GTPBP4: variants seen among roughly 807,000 people sequenced by gnomAD.
GTPBP4 encodes GTP-binding protein 4.
In GTPBP4, 15 loss-of-function variants were observed where a neutral mutation model predicts 81.7. The observed-to-expected ratio is 0.18, with a 90% confidence interval of 0.12 to 0.28. GTPBP4 has a LOEUF of 0.28. Among genes scored for constraint, GTPBP4 ranks in the 10% least tolerant of loss-of-function variants. The probability of loss-of-function intolerance (pLI) is 1.00; values close to 1 mark genes in which losing one functional copy is unlikely to be tolerated. For missense variants in GTPBP4, 847 were observed against 793.8 expected (o/e 1.07, Z -0.81); for synonymous variants, 272 against 274.6 (o/e 0.99, Z 0.09).
At chr10:1,000,298 C>G (rs1379783842) in intron 6 of GTPBP4, among the ~76,000 whole-genome samples, 2 of 129,154 alleles carry the variant, frequency 1.5e-5, no homozygotes, top group Non-Finnish European at 3.1e-5. Flanking sequence ...AGTGCAGTGT[C>G]GCTATCTTGG....
At chr10:1,003,637 T>C (rs2132164434) in intron 8 of GTPBP4, among the ~76,000 whole-genome samples, 1 of 152,314 alleles carries the variant, frequency 6.6e-6, no homozygotes, top group Admixed American at 6.5e-5. Context: ...GTGACATTGT[T>C]TCTGTGCAGC....
At chr10:992,426 C>T in intron 1 of GTPBP4, 63 bp from the exon 2 acceptor site, 1 of 926,744 alleles carries the variant, frequency 1.1e-6, no homozygotes, top group Non-Finnish European at 1.7e-6. Context: ...AGGAAGGTTT[C>T]AAATAAATGG....
Position 1,007,022 on chromosome 10 carries a change from G to C in GTPBP4, c.1007G>C (p.Cys336Ser). 1 of 1,602,448 alleles carries C rather than the reference G, an allele frequency of 6.2e-7. No homozygotes were observed. The highest frequency in any genetic ancestry group is 8.6e-7 in the Non-Finnish European group (1 of 1,169,356). Residue 336 changes from cysteine to serine, a missense_variant, in exon 10 of 17, where the codon TGC becomes TCC. Cys to Ser is a moderately radical substitution (Grantham distance 112). Transcript: ENST00000360803. ...CCTTCTTTTTTACGTTATTAGGCTT[G>C]CGATAGGCTTTTGGCTCATCGAGTG... ...EGVIKVKTEA[C>S]DRLLAHRVET...
Position 1,017,187 on chromosome 10 carries a change from T to C in GTPBP4, c.1865T>C (p.Leu622Pro). The C allele has an allele frequency of 6.2e-7, 1 of 1,614,180 alleles. No individual in the cohort carries two copies. The highest frequency in any genetic ancestry group is 1.1e-5 in the South Asian group (1 of 91,088). Reference protein sequence around the residue: ...HVFDMKPKHLLSGKRKAGKKD... With the variant: ...HVFDMKPKHLPSGKRKAGKKD... ...TTTGATATGAAGCCCAAGCACTTGC[T>C]GTCTGGGAAGAGGAAAGCTGGTAAA... Residue 622 changes from leucine (L) to proline (P), a missense_variant, in exon 17 of 17, where the codon CTG (leucine) becomes CCG (proline). Leu to Pro is a moderately conservative substitution (Grantham distance 98, BLOSUM62 -3). Around this residue, in one of 3 missense-constraint regions of GTPBP4, gnomAD observed 600 missense variants for 557.1 expected, o/e 1.08. Transcript: ENST00000360803.
chr10:1,004,058 G>A (rs892240938), intron 8 of GTPBP4, among the ~76,000 whole-genome samples: 1 of 152,188 alleles, frequency 6.6e-6, no homozygotes, highest in Non-Finnish European at 1.5e-5. Flanking sequence ...TCAGGGCACA[G>A]TCCTGGCCTG....
At chr10:1,015,395 T>G (rs61833307) in intron 15 of GTPBP4, among the ~76,000 whole-genome samples, 1 of 35,306 alleles carries the variant, frequency 2.8e-5, no homozygotes, top group Admixed American at 3.6e-4. Flanking sequence ...AGCCTGGGAG[T>G]GGACCTGGGG....
intron 10 of GTPBP4, chr10:1,007,851 C>A (rs530015374): frequency 5.9e-6 from 3 of 510,654 alleles, no homozygotes. Context: ...ATGCTGGGTG[C>A]GGTTGAGCAT....
At chr10:990,017 A>G (rs1299999354) in intron 1 of GTPBP4, among the ~76,000 whole-genome samples, 1 of 152,192 alleles carries the variant, frequency 6.6e-6, no homozygotes, top group African/African-American at 2.4e-5. Flanking sequence ...GATTACAGGC[A>G]TGAGCTACTG....
intron 8 of GTPBP4, among the ~76,000 whole-genome samples, chr10:1,002,169 C>T (rs1156939109): frequency 6.6e-6 from 1 of 152,148 alleles, no homozygotes; most frequent in East Asian, 1.9e-4. Flanking sequence ...GTGATCCGCC[C>T]ACCTTGGCCT....
At chr10:988,807 G>A in intron 1 of GTPBP4, 1 of 387,234 alleles carries the variant, frequency 2.6e-6, no homozygotes, top group Non-Finnish European at 4.7e-6. Context: ...ACCCAGAGTT[G>A]GGTTCCCTGG....
intron 5 of GTPBP4, among the ~76,000 whole-genome samples, chr10:998,127 T>C (rs1268268668): frequency 2.0e-5 from 3 of 152,304 alleles, no homozygotes; most frequent in African/African-American, 7.2e-5. Context: ...TGAGACAGGG[T>C]CTCGCTCTGT....
At chr10:1,008,046 AT>A (rs749520722) in intron 10 of GTPBP4, 5 of 465,660 alleles carry the variant, frequency 1.1e-5, no homozygotes, top group Non-Finnish European at 1.7e-5. Flanking sequence ...ACATATATTA[AT>A]TTTTTTTTCT....
Position 1,017,131 on chromosome 10 carries a change from G to A in GTPBP4, c.1809G>A (p.Leu603=). The part of the protein sequence containing the change: ...MKNAQKKMNR[L]GKKGEADRHV... ...ATGCTCAGAAGAAGATGAATCGGTTGGGGAAGAAAGGGGAGGCGGATAGAC... is the reference window on the plus strand; with the variant it reads ...ATGCTCAGAAGAAGATGAATCGGTTAGGGAAGAAAGGGGAGGCGGATAGAC... Residue 603 remains leucine (L), a synonymous_variant, in exon 17 of 17, where the codon TTG becomes TTA. Coordinates refer to ENST00000360803, the MANE Select transcript of GTPBP4 (RefSeq NM_012341.3). 6.2e-7 allele frequency: 1 copy of A among 1,613,598 alleles called. No homozygotes were observed. The highest frequency in any genetic ancestry group is 1.1e-5 in the South Asian group (1 of 91,060).
chr10:1,010,578 G>A lies in GTPBP4; in HGVS notation c.1344+58G>A. 2 of 938,616 alleles carry A rather than the reference G, an allele frequency of 2.1e-6. 1 individual carries two copies. Among genetic ancestry groups the A allele is most frequent in the Middle Eastern group, 4.2e-4 (2 of 4,742 alleles). 58.1% of individuals were successfully genotyped at this position (938,616 alleles called of 1,614,324 possible). On this transcript the variant is annotated intron_variant, in intron 13 of 16. Transcript: ENST00000360803. ...TCCTTTTTATTATAGTAGTATTGCT[G>A]GAAGATAGCAGCATGGCTTCGGCTC... is the stretch of plus-strand genomic sequence containing the variant.
At chr10:1,008,129 C>A in intron 10 of GTPBP4, 1 of 454,300 alleles carries the variant, frequency 2.2e-6, no homozygotes, top group Non-Finnish European at 4.4e-6. Flanking sequence ...AGTATCTTTT[C>A]TTGCTGGGTG....
At chr10:1,010,312 C>T (rs17293608) in intron 12 of GTPBP4, 108 bp from the exon 13 acceptor site, 97,567 of 666,682 alleles carry the variant, frequency 0.15, 9,126 homozygotes, top group Non-Finnish European at 0.19. Context: ...GTGCTCTCTT[C>T]TGCAGTGGAG....
Position 1,006,421 on chromosome 10 carries a change from C to T in GTPBP4, c.1002+514C>T, listed in dbSNP as rs987248532. ...TGGGAGGCTGAGGCGGGTAGATCACCCAAGGTCGGGAGTTCGAGACCAGCC... is the reference window on the plus strand; with the variant it reads ...TGGGAGGCTGAGGCGGGTAGATCACTCAAGGTCGGGAGTTCGAGACCAGCC... On this transcript the variant is annotated intron_variant, in intron 9 of 16. Coordinates refer to ENST00000360803, the MANE Select transcript of GTPBP4 (RefSeq NM_012341.3). 2.4e-4 allele frequency among the ~76,000 whole-genome samples: 36 copies of T among 152,032 alleles called. 1 individual carries two copies. The highest frequency in any genetic ancestry group is 2.5e-4 in the Non-Finnish European group (17 of 67,988).
At chr10:1,008,830 T>TGG (rs1831798639) in intron 10 of GTPBP4, 128 bp from the exon 11 acceptor site, 1 of 750,350 alleles carries the variant, frequency 1.3e-6, no homozygotes, top group Non-Finnish European at 2.4e-6. Flanking sequence ...ATCTGTTGGT[T>TGG]GTTCATTGGT....
chr10:1,005,481 G>A (rs1174116577), intron 8 of GTPBP4, among the ~76,000 whole-genome samples: 6 of 152,050 alleles, frequency 3.9e-5, no homozygotes, highest in Non-Finnish European at 5.9e-5. Flanking sequence ...ATCGTCTTGC[G>A]TTTTTCTGCT....
Sources: allele counts gnomAD v4.1 joint callset (sites outside exome capture counted in the v4.1 genomes callset), GRCh38; gene constraint gnomAD v4.1.1; regional missense constraint gnomAD v4.1.1; transcripts MANE v1.5; gene names NCBI Gene and HGNC (gene_info 2026-07-23, HGNC 2026-07-21).